Variants in TRHDE observed in about 807,000 individuals in gnomAD.
TRHDE encodes the protein thyrotropin releasing hormone degrading enzyme, also known as thyrotropin-releasing hormone-degrading ectoenzyme.
Under a neutral mutation model 125.7 loss-of-function variants are expected in TRHDE, and 72 were observed. That is an observed-to-expected ratio of 0.57 (90% CI 0.47 to 0.70). The LOEUF is 0.70. TRHDE is among the 30% of genes least tolerant of loss of function. TRHDE has a pLI of 0.00. For missense variants in TRHDE, 1,110 were observed against 1,327.1 expected (o/e 0.84, Z 2.54); for synonymous variants, 509 against 509.1 (o/e 1.00, Z 0.00).
At chr12:72,480,592 C>G (rs979695491) in intron 5 of TRHDE, among the ~76,000 whole-genome samples, 1 of 152,136 alleles carries the variant, frequency 6.6e-6, no homozygotes, top group African/African-American at 2.4e-5. Context: ...GGTCCTTTTA[C>G]ATTTTTGTAG....
intron 12 of TRHDE, among the ~76,000 whole-genome samples, chr12:72,581,967 T>G (rs967514455): frequency 2.6e-5 from 4 of 151,734 alleles, no homozygotes; most frequent in African/African-American, 7.3e-5. Context: ...CCGGGCAAGG[T>G]GGCAGGCGCC....
At chr12:72,375,611 A>G (rs561901586) in intron 2 of TRHDE, among the ~76,000 whole-genome samples, 4 of 152,202 alleles carry the variant, frequency 2.6e-5, no homozygotes, top group Non-Finnish European at 4.4e-5. Flanking sequence ...TGAATCTACT[A>G]GATACTTTAT....
intron 6 of TRHDE, among the ~76,000 whole-genome samples, chr12:72,523,485 C>A (rs756473737): frequency 6.6e-6 from 1 of 152,040 alleles, no homozygotes; most frequent in Non-Finnish European, 1.5e-5. Context: ...CTTATAGGTT[C>A]CTAGGGTAAA....
chr12:72,464,321 A>G (rs1457655585), intron 3 of TRHDE, among the ~76,000 whole-genome samples: 1 of 152,212 alleles, frequency 6.6e-6, no homozygotes, highest in Non-Finnish European at 1.5e-5. Flanking sequence ...ATTTACAGAT[A>G]ATAGAAATTT....
intron 3 of TRHDE, among the ~76,000 whole-genome samples, chr12:72,436,708 T>C (rs1222369232): frequency 6.6e-6 from 1 of 152,064 alleles, no homozygotes; most frequent in Admixed American, 6.6e-5. Flanking sequence ...ATCATTGACG[T>C]ACTGAAGAAC....
intron 2 of TRHDE, chr12:72,105,871 AT>A (rs985424696): frequency 6.6e-6 from 1 of 152,110 alleles, no homozygotes; most frequent in African/African-American, 2.4e-5. Context: ...GCAGTTATTT[AT>A]TTCTATCTTT....
intron 2 of TRHDE, among the ~76,000 whole-genome samples, chr12:72,241,053 C>T (rs1025626359): frequency 8.6e-5 from 13 of 152,004 alleles, no homozygotes; most frequent in African/African-American, 2.7e-4. Context: ...TTATTCATTC[C>T]TCTCTTCCTT....
chr12:72,187,868 C>T (rs933980980), intron 2 of TRHDE, among the ~76,000 whole-genome samples: 1 of 152,058 alleles, frequency 6.6e-6, no homozygotes, highest in Admixed American at 6.5e-5. Flanking sequence ...ACTGCATTAC[C>T]AGATTAAATG....
chr12:72,297,492 G>C (rs953759605), intron 2 of TRHDE, among the ~76,000 whole-genome samples: 1 of 152,144 alleles, frequency 6.6e-6, no homozygotes, highest in African/African-American at 2.4e-5. Flanking sequence ...AGGTTGTGTT[G>C]GAACAAGCGT....
intron 2 of TRHDE, among the ~76,000 whole-genome samples, chr12:72,371,243 A>C (rs1044926807): frequency 1.3e-5 from 2 of 150,926 alleles, no homozygotes; most frequent in East Asian, 3.9e-4. Context: ...GGTCCTTATT[A>C]CATACTTCAT....
In TRHDE at chr12:72,562,150, T is replaced by G. The variant is rs767259339; in HGVS notation, c.1789-15T>G. 1 of 1,322,498 alleles carries G rather than the reference T, an allele frequency of 7.6e-7. No individual in the cohort carries two copies. Among genetic ancestry groups the G allele is most frequent in the East Asian group, 2.3e-5 (1 of 42,702 alleles). 81.9% of individuals were successfully genotyped at this position (1,322,498 alleles called of 1,614,324 possible). On this transcript the variant is annotated splice_polypyrimidine_tract_variant and intron_variant, in intron 7 of 18. Coordinates refer to ENST00000261180, the MANE Select transcript of TRHDE (RefSeq NM_013381.3). The stretch of plus-strand genomic sequence containing the variant: ...TTAACCTTTGAATTACAATTACAAT[T>G]TTATATTCTTGTAGGATTATTTAAC...
chr12:72,117,660 C>T (rs1875478989), intron 2 of TRHDE, among the ~76,000 whole-genome samples: 1 of 151,990 alleles, frequency 6.6e-6, no homozygotes, highest in Non-Finnish European at 1.5e-5. Flanking sequence ...CTGTAGACTG[C>T]TTTAGATAAT....
At chr12:72,551,035 A>C (rs1054520074) in intron 7 of TRHDE, among the ~76,000 whole-genome samples, 3 of 151,970 alleles carry the variant, frequency 2.0e-5, no homozygotes, top group African/African-American at 7.2e-5. Flanking sequence ...TATGCATTAA[A>C]ATTGAGGTCT....
At chr12:72,399,322 C>T (rs904852333) in intron 3 of TRHDE, among the ~76,000 whole-genome samples, 2 of 152,124 alleles carry the variant, frequency 1.3e-5, no homozygotes, top group Non-Finnish European at 2.9e-5. Context: ...AACATTAGAT[C>T]ATGAAATTGA....
chr12:72,292,017 T>C (rs1049657249), intron 2 of TRHDE, among the ~76,000 whole-genome samples: 1 of 152,252 alleles, frequency 6.6e-6, no homozygotes, highest in Non-Finnish European at 1.5e-5. Context: ...TGGCTTTTTA[T>C]GTATCAAGTT....
At chr12:72,214,179 A>G (rs995331511) in intron 2 of TRHDE, among the ~76,000 whole-genome samples, 1 of 152,110 alleles carries the variant, frequency 6.6e-6, no homozygotes, top group African/African-American at 2.4e-5. Flanking sequence ...GAGGGCACGA[A>G]GGTCTCCTAA....
intron 2 of TRHDE, among the ~76,000 whole-genome samples, chr12:72,245,513 T>G (rs983928160): frequency 1.3e-5 from 2 of 152,094 alleles, no homozygotes; most frequent in African/African-American, 2.4e-5. Flanking sequence ...CTTCAAGGTT[T>G]CATAGTCTTT....
chr12:72,227,498 T>C (rs1183337140), intron 2 of TRHDE, among the ~76,000 whole-genome samples: 1 of 152,158 alleles, frequency 6.6e-6, no homozygotes, highest in Non-Finnish European at 1.5e-5. Flanking sequence ...CATGTGGGAA[T>C]TGTGAGAGCT....
intron 9 of TRHDE, among the ~76,000 whole-genome samples, chr12:72,564,579 G>GGC (rs1402535659): frequency 6.7e-6 from 1 of 149,848 alleles, no homozygotes. Flanking sequence ...ATTTCTCCAA[G>GGC]GCTGTATAAG....
Sources: allele counts gnomAD v4.1 joint callset (sites outside exome capture counted in the v4.1 genomes callset), GRCh38; gene constraint gnomAD v4.1.1; transcripts MANE v1.5; gene names NCBI Gene and HGNC (gene_info 2026-07-23, HGNC 2026-07-21).